Variants in CSMD1 observed in about 807,000 individuals in gnomAD.
CSMD1 encodes CUB and Sushi multiple domains 1.
CSMD1 carries 213 observed loss-of-function variants against 417.5 expected under a neutral mutation model. That is an observed-to-expected ratio of 0.51 (90% CI 0.46 to 0.57). The LOEUF (loss-of-function observed/expected upper bound fraction) is 0.57, where lower values mean the gene tolerates loss of function less well. Among genes scored for constraint, CSMD1 ranks in the 20% least tolerant of loss-of-function variants. The probability of loss-of-function intolerance (pLI) is 0.00; values close to 1 mark genes in which losing one functional copy is unlikely to be tolerated. For missense variants in CSMD1, 6,923 were observed against 4,529.7 expected (o/e 1.53, Z -15.17); for synonymous variants, 2,862 against 1,736.8 (o/e 1.65, Z -16.11).
chr8:4,086,830 G>A (rs182242881), intron 3 of CSMD1, among the ~76,000 whole-genome samples: 603 of 152,276 alleles, frequency 4.0e-3, no homozygotes, highest in Non-Finnish European at 6.5e-3. Context: ...AACTTTGCAT[G>A]CATCCTTGTC....
chr8:4,075,638 G>C (rs1563090397), intron 3 of CSMD1, among the ~76,000 whole-genome samples: 1 of 152,148 alleles, frequency 6.6e-6, no homozygotes, highest in Non-Finnish European at 1.5e-5. Context: ...AACTCACACT[G>C]TGTTGGGGAA....
At chr8:4,540,524 C>T (rs1250861633) in intron 2 of CSMD1, among the ~76,000 whole-genome samples, 2 of 151,968 alleles carry the variant, frequency 1.3e-5, no homozygotes, top group Non-Finnish European at 2.9e-5. Flanking sequence ...GGCAACAGAG[C>T]GAGACCTCAT....
chr8:4,826,768 A>G (rs927153924), intron 1 of CSMD1, among the ~76,000 whole-genome samples: 4 of 152,212 alleles, frequency 2.6e-5, no homozygotes, highest in African/African-American at 9.6e-5. Flanking sequence ...TAAACATAGG[A>G]GCTCCCTCTG....
intron 1 of CSMD1, among the ~76,000 whole-genome samples, chr8:4,950,319 G>A (rs10097241): frequency 2.2e-3 from 332 of 152,210 alleles, no homozygotes; most frequent in African/African-American, 7.1e-3. Flanking sequence ...TTTCTCAAGT[G>A]ACATTTGCAG....
At chr8:4,215,371 T>C (rs185135900) in intron 3 of CSMD1, among the ~76,000 whole-genome samples, 33 of 152,320 alleles carry the variant, frequency 2.2e-4, no homozygotes, top group Admixed American at 2.1e-3. Context: ...GCAAAAATTT[T>C]AGATAGAACA....
intron 12 of CSMD1, among the ~76,000 whole-genome samples, chr8:3,447,806 G>C (rs1008539208): frequency 2.0e-5 from 3 of 152,148 alleles, no homozygotes; most frequent in Non-Finnish European, 4.4e-5. Flanking sequence ...GAATTGAGCA[G>C]GACCACTTGG....
rs185829581 is a variant in CSMD1, at chr8:3,437,702, A to T, written c.1562-28097T>A. ...CTAATCACAGTCAAAAGGAAGACAG[A>T]ACACCCTGTTCCCACCAAAGCCACT... is the stretch of plus-strand genomic sequence containing the variant. On this transcript the variant is annotated intron_variant, in intron 12 of 69. Transcript: ENST00000635120. Among the ~76,000 whole-genome samples, 6 of 152,252 alleles carry T rather than the reference A, an allele frequency of 3.9e-5. No homozygotes were observed. In the East Asian group the frequency reaches 1.2e-3, roughly 29 times the overall value.
Position 3,966,036 on chromosome 8 carries a change from T to C in CSMD1, c.818+31867A>G, listed in dbSNP as rs73492670. Among the ~76,000 whole-genome samples, 612 of 152,292 alleles carry C rather than the reference T, an allele frequency of 4.0e-3. 7 individuals carry two copies. Among genetic ancestry groups the C allele is most frequent in the African/African-American group, 0.014 (589 of 41,556 alleles). The stretch of plus-strand genomic sequence containing the variant: ...AATTTTAGAAAGAAGCAGAAGACAC[T>C]GGTGAGAGAATGAATGACTCTAGAA... On this transcript the variant is annotated intron_variant, in intron 5 of 69. Coordinates refer to ENST00000635120, the MANE Select transcript of CSMD1 (RefSeq NM_033225.6).
intron 54 of CSMD1, among the ~76,000 whole-genome samples, 184 bp from the exon 55 acceptor site, chr8:2,978,984 G>C (rs543784833): frequency 2.6e-5 from 4 of 152,276 alleles, no homozygotes; most frequent in East Asian, 1.9e-4. Context: ...TTTTTCAAGA[G>C]GTGTCAAGAA....
chr8:4,844,588 G>T (rs937491082), intron 1 of CSMD1, among the ~76,000 whole-genome samples: 8 of 152,148 alleles, frequency 5.3e-5, no homozygotes, highest in Non-Finnish European at 1.0e-4. Context: ...AATGGACACA[G>T]ATTGCTTTTT....
intron 10 of CSMD1, among the ~76,000 whole-genome samples, chr8:3,545,779 T>TA (rs1359805621): frequency 8.5e-5 from 13 of 152,310 alleles, no homozygotes; most frequent in South Asian, 4.1e-4. Context: ...AAGCTTTTGT[T>TA]AAAAAAATAG....
chr8:4,359,699 G>C (rs902486165), intron 3 of CSMD1, among the ~76,000 whole-genome samples: 1 of 152,194 alleles, frequency 6.6e-6, no homozygotes, highest in South Asian at 2.1e-4. Flanking sequence ...CTGGGTTTTA[G>C]TGTGTTTGTC....
chr8:3,987,187 A>G (rs535191981), intron 5 of CSMD1, among the ~76,000 whole-genome samples: 1 of 152,244 alleles, frequency 6.6e-6, no homozygotes, highest in East Asian at 1.9e-4. Context: ...TACACTTCTT[A>G]CTTTACACAC....
intron 3 of CSMD1, among the ~76,000 whole-genome samples, chr8:4,120,262 G>A (rs1418558702): frequency 6.6e-6 from 1 of 151,404 alleles, no homozygotes; most frequent in African/African-American, 2.4e-5. Context: ...AAAAGGATTT[G>A]GGGTAAAGAA....
At chr8:4,447,451 A>T (rs939462574) in intron 2 of CSMD1, among the ~76,000 whole-genome samples, 3 of 152,226 alleles carry the variant, frequency 2.0e-5, no homozygotes, top group African/African-American at 7.2e-5. Flanking sequence ...AAGGAGTAGA[A>T]TTTATATTAT....
At chr8:2,999,022 A>G (rs1807157314) in intron 53 of CSMD1, among the ~76,000 whole-genome samples, 1 of 152,248 alleles carries the variant, frequency 6.6e-6, no homozygotes, top group Non-Finnish European at 1.5e-5. Context: ...AATTGGTTTA[A>G]GGGAAATTGG....
intron 52 of CSMD1, among the ~76,000 whole-genome samples, chr8:3,004,638 G>A (rs1287445889): frequency 2.6e-5 from 4 of 152,092 alleles, no homozygotes; most frequent in African/African-American, 7.2e-5. Context: ...GCTCAAGCAC[G>A]AATTAACAAT....
intron 36 of CSMD1, among the ~76,000 whole-genome samples, chr8:3,187,582 A>ATTAT (rs1796136502): frequency 1.3e-5 from 2 of 152,002 alleles, no homozygotes; most frequent in South Asian, 4.1e-4. Context: ...GCTACCTCAC[A>ATTAT]TTACTATTCC....
chr8:4,819,109 C>G lies in CSMD1; in HGVS notation c.85+175223G>C, dbSNP rs112491466. On this transcript the variant is annotated intron_variant, in intron 1 of 69. Transcript: ENST00000635120. ...TGCATGTCACTTGCTGCTATTCTAT[C>G]GAAAAGCAACAGCAGCAGGCAGCTC... 7.1e-3 allele frequency among the ~76,000 whole-genome samples: 1,080 copies of G among 152,282 alleles called. 9 individuals are homozygous for G. The highest frequency in any genetic ancestry group is 0.025 in the African/African-American group (1,049 of 41,564).
Sources: allele counts gnomAD v4.1 joint callset (sites outside exome capture counted in the v4.1 genomes callset), GRCh38; gene constraint gnomAD v4.1.1; transcripts MANE v1.5; gene names NCBI Gene and HGNC (gene_info 2026-07-23, HGNC 2026-07-21).